The following NFATC2 variants were observed in gnomAD, a reference collection of about 807,000 sequenced individuals.
NFATC2 encodes nuclear factor of activated T cells 2.
NFATC2 carries 22 observed loss-of-function variants against 87.3 expected under a neutral mutation model. The observed-to-expected ratio is 0.25, with a 90% confidence interval of 0.18 to 0.36. The LOEUF (loss-of-function observed/expected upper bound fraction) is 0.36. Among genes scored for constraint, NFATC2 ranks in the 10% least tolerant of loss-of-function variants. NFATC2 has a pLI of 1.00. For synonymous variants in NFATC2, 565 were observed against 542.2 expected (o/e 1.04, Z -0.58); for missense variants, 1,149 against 1,259.1 (o/e 0.91, Z 1.32).
At chr20:51,551,511 C>T (rs1481652560) in intron 1 of NFATC2, among the ~76,000 whole-genome samples, 6 of 151,864 alleles carry the variant, frequency 4.0e-5, no homozygotes, top group East Asian at 1.9e-4. Flanking sequence ...TCAGATGATC[C>T]GCTCACCTCA....
intron 3 of NFATC2, among the ~76,000 whole-genome samples, chr20:51,478,090 G>T (rs1988913253): frequency 6.6e-6 from 1 of 152,154 alleles, no homozygotes; most frequent in Non-Finnish European, 1.5e-5. Flanking sequence ...GAGAGAGGCT[G>T]GGAGTGGAAC....
At chr20:51,470,268 T>C (rs1600809975) in intron 5 of NFATC2, among the ~76,000 whole-genome samples, 1 of 152,036 alleles carries the variant, frequency 6.6e-6, no homozygotes, top group South Asian at 2.1e-4. Flanking sequence ...AAGGGTCAGG[T>C]CAGTCTTCCT....
chr20:51,464,374 C>T (rs228846), intron 5 of NFATC2, among the ~76,000 whole-genome samples: 72,994 of 151,984 alleles, frequency 0.48, 19,573 homozygotes, highest in South Asian at 0.61. Context: ...ATAGGGAAAG[C>T]GAGGCACAGA....
chr20:51,509,898 G>A (rs1468897946), intron 3 of NFATC2, among the ~76,000 whole-genome samples: 1 of 152,220 alleles, frequency 6.6e-6, no homozygotes, highest in African/African-American at 2.4e-5. Flanking sequence ...GCCTGGACAG[G>A]TGGGCCTCAG....
Position 51,523,174 on chromosome 20 carries a change from T to C in NFATC2, c.1067A>G (p.Glu356Gly). ...AGCCGAGTTTCTCCTCTCGCCCTGC[T>C]CGCAGGGCCCCAGGAACTCCACGGC... The part of the protein sequence containing the change: ...YPAVEFLGPC[E>G]QGERRNSAPE... The change falls in exon 2 of 11, where the codon GAG becomes GGG. Residue 356 changes from glutamate (E) to glycine (G), a missense_variant. Around this residue, in one of 3 missense-constraint regions of NFATC2, gnomAD observed 563 missense variants for 585.2 expected, o/e 0.96. Coordinates refer to ENST00000371564, the MANE Select transcript of NFATC2 (RefSeq NM_012340.5). This position sits in a 1 kb window ranked among gnomAD's most constrained non-coding sequence, Gnocchi z 6.9. The C allele has an allele frequency of 6.2e-7, 1 of 1,614,196 alleles. No individual in the cohort carries two copies. Among genetic ancestry groups the C allele is most frequent in the Non-Finnish European group, 8.5e-7 (1 of 1,180,046 alleles).
intron 5 of NFATC2, among the ~76,000 whole-genome samples, chr20:51,466,705 A>T (rs886657781): frequency 2.0e-5 from 3 of 152,322 alleles, no homozygotes; most frequent in African/African-American, 7.2e-5. Context: ...AGGAATGCAA[A>T]AAGCACTAAT....
intron 9 of NFATC2, among the ~76,000 whole-genome samples, chr20:51,422,623 AC>A (rs1981124810): frequency 6.6e-6 from 1 of 151,982 alleles, no homozygotes; most frequent in African/African-American, 2.4e-5. Context: ...TGGTGCTAAA[AC>A]AAAGTTGAAC....
chr20:51,409,932 C>T (rs977263601), intron 9 of NFATC2, among the ~76,000 whole-genome samples: 5 of 152,156 alleles, frequency 3.3e-5, no homozygotes, highest in Admixed American at 1.3e-4. Flanking sequence ...GAAATATGGC[C>T]GGGCACAGTG....
In NFATC2 at chr20:51,515,910, G is replaced by T. The variant is rs148102273; in HGVS notation, c.1332+874C>A. Among the ~76,000 whole-genome samples the T allele has an allele frequency of 1.3e-3, 204 of 152,196 alleles. 9 individuals carry two copies. In the East Asian group the frequency reaches 0.036, roughly 27 times the overall value. ...TAAGAACCACCCTAGAGGTTCTGATGCACACTATAGATTAAGAACCAAGTT... is the reference window on the plus strand; with the variant it reads ...TAAGAACCACCCTAGAGGTTCTGATTCACACTATAGATTAAGAACCAAGTT... On this transcript the variant is annotated intron_variant, in intron 3 of 10. Transcript: ENST00000371564.
chr20:51,515,045 GCA>G (rs2146685245), intron 3 of NFATC2, among the ~76,000 whole-genome samples: 1 of 152,308 alleles, frequency 6.6e-6, no homozygotes, highest in Non-Finnish European at 1.5e-5. Context: ...TCTGAGCAGA[GCA>G]CAGTGGTCCC....
chr20:51,559,414 C>T (rs1047303570), intron 1 of NFATC2, among the ~76,000 whole-genome samples: 17 of 152,306 alleles, frequency 1.1e-4, no homozygotes, highest in African/African-American at 3.4e-4. Context: ...AGGCTCTGGT[C>T]CCACCTCGGT....
At chr20:51,516,693 C>T in intron 3 of NFATC2, 91 bp downstream of exon 3, 2 of 1,379,196 alleles carry the variant, frequency 1.5e-6, no homozygotes. Flanking sequence ...ACACATACCT[C>T]ACCTTAACAA....
intron 3 of NFATC2, among the ~76,000 whole-genome samples, chr20:51,507,743 T>C (rs1193603590): frequency 6.6e-6 from 1 of 152,200 alleles, no homozygotes; most frequent in Non-Finnish European, 1.5e-5. Flanking sequence ...GTCAACAACA[T>C]GGGCTGTGGC....
chr20:51,497,199 C>T (rs977947969), intron 3 of NFATC2, among the ~76,000 whole-genome samples: 5 of 152,240 alleles, frequency 3.3e-5, no homozygotes, highest in Non-Finnish European at 7.3e-5. Flanking sequence ...CTCCGAGGCT[C>T]TGTCTCTGCC....
Position 51,499,325 on chromosome 20 carries a change from T to C in NFATC2, c.1332+17459A>G, listed in dbSNP as rs556836795. On this transcript the variant is annotated intron_variant, in intron 3 of 10. Coordinates refer to ENST00000371564, the MANE Select transcript of NFATC2 (RefSeq NM_012340.5). The stretch of plus-strand genomic sequence containing the variant: ...GTGACAGAGGGGAGGAGGTAAGAAA[T>C]GGTTGAGCACCCTACCCCGAGCCCA... Among the ~76,000 whole-genome samples, 14 of 151,998 alleles carry C rather than the reference T, an allele frequency of 9.2e-5. 1 individual carries two copies. In the South Asian group the frequency reaches 2.3e-3, roughly 25 times the overall value.
intron 9 of NFATC2, among the ~76,000 whole-genome samples, chr20:51,405,053 A>G (rs1988424230): frequency 6.6e-6 from 1 of 152,204 alleles, no homozygotes; most frequent in South Asian, 2.1e-4. Flanking sequence ...GGAGGAGAGC[A>G]TGTCACTGGC....
chr20:51,462,584 A>G (rs1481653958), intron 5 of NFATC2, among the ~76,000 whole-genome samples: 2 of 152,190 alleles, frequency 1.3e-5, no homozygotes, highest in African/African-American at 4.8e-5. Context: ...TAAAAGTAAC[A>G]TTCTAATTTT....
intron 5 of NFATC2, among the ~76,000 whole-genome samples, chr20:51,467,521 C>A (rs1054174281): frequency 1.3e-5 from 2 of 151,722 alleles, no homozygotes; most frequent in African/African-American, 4.8e-5. Context: ...CATGCCATTG[C>A]ACTCCAGCCT....
At chr20:51,482,302 G>A (rs1016523651) in intron 3 of NFATC2, among the ~76,000 whole-genome samples, 1 of 150,386 alleles carries the variant, frequency 6.6e-6, no homozygotes, top group African/African-American at 2.5e-5. Context: ...CCTATTTTTA[G>A]TGGCAACTTA....
Sources: gnomAD v4.1 joint callset for allele counts (sites outside exome capture counted in the v4.1 genomes callset) on GRCh38, gnomAD v4.1.1 for gene constraint, gnomAD v4.1.1 regional missense constraint, Gnocchi (gnomAD v3.1) non-coding constraint, MANE v1.5 for transcripts, NCBI Gene and HGNC (gene_info 2026-07-23, HGNC 2026-07-21) for gene names.